The following SH3PXD2A variants were observed in gnomAD, a reference collection of about 807,000 sequenced individuals.
SH3PXD2A encodes the protein SH3 and PX domains 2A, also known as SH3 and PX domain-containing protein 2A.
Under a neutral mutation model 115.2 loss-of-function variants are expected in SH3PXD2A, and 32 were observed. The ratio of observed to expected loss-of-function variants is 0.28; its 90% CI spans 0.21 to 0.37. The LOEUF (loss-of-function observed/expected upper bound fraction) is 0.37, where lower values mean the gene tolerates loss of function less well. Ranked by LOEUF, SH3PXD2A falls within the 10% of genes least tolerant of loss-of-function variation. The probability of loss-of-function intolerance (pLI) is 1.00; values close to 1 mark genes in which losing one functional copy is unlikely to be tolerated. For synonymous variants in SH3PXD2A, 610 were observed against 629.1 expected, an observed-to-expected ratio of 0.97 and a Z score of 0.45; for missense variants, 1,328 against 1,498.7, an observed-to-expected ratio of 0.89 and a Z score of 1.88.
rs145198079 is a variant in SH3PXD2A at position 103,836,839 on chromosome 10, C to T, written c.72+18356G>A. ...ATGTCCAATGCTCTGCCAACTAGCC[C>T]GATTTTACAGAGGGAATTTTACTAC... is the stretch of plus-strand genomic sequence containing the variant. On this transcript the variant is annotated intron_variant, in intron 1 of 14. Coordinates refer to ENST00000369774, the MANE Select transcript of SH3PXD2A (RefSeq NM_001394015.1). Among the ~76,000 whole-genome samples the T allele has an allele frequency of 1.1e-4, 16 of 152,278 alleles. No homozygotes were observed. The East Asian group carries it at 2.5e-3, about 24-fold the overall frequency.
Position 103,605,934 on chromosome 10 carries a change from C to T in SH3PXD2A, c.1309-17G>A, listed in dbSNP as rs750901813. 25 of 1,613,056 alleles carry T rather than the reference C, an allele frequency of 1.5e-5. No homozygotes were observed. The highest frequency in any genetic ancestry group is 2.0e-5 in the Non-Finnish European group (23 of 1,179,328). On this transcript the variant is annotated splice_polypyrimidine_tract_variant and intron_variant, in intron 13 of 14. Coordinates refer to ENST00000369774, the MANE Select transcript of SH3PXD2A (RefSeq NM_001394015.1). Reference sequence around the variant, plus strand: ...TTGGAACCCCTAAGGTTAAGGAACACACAGTGGGCAAAACCCGCCTAAATC... The same window carrying T: ...TTGGAACCCCTAAGGTTAAGGAACATACAGTGGGCAAAACCCGCCTAAATC...
intron 2 of SH3PXD2A, among the ~76,000 whole-genome samples, chr10:103,785,569 T>C (rs2038972796): frequency 1.3e-5 from 2 of 152,036 alleles, no homozygotes; most frequent in Non-Finnish European, 2.9e-5. Flanking sequence ...GACAGAGCAA[T>C]GGCTGGCCAT....
chr10:103,711,165 G>A (rs1326764179), intron 5 of SH3PXD2A, among the ~76,000 whole-genome samples: 1 of 152,188 alleles, frequency 6.6e-6, no homozygotes, highest in African/African-American at 2.4e-5. Flanking sequence ...TCCTTCCCAG[G>A]AGCATCCCAA....
chr10:103,629,384 T>G (rs1196397559), intron 8 of SH3PXD2A, among the ~76,000 whole-genome samples: 1 of 152,198 alleles, frequency 6.6e-6, no homozygotes, highest in Non-Finnish European at 1.5e-5. Flanking sequence ...GGCTCAGTGG[T>G]TATTAGAGCA....
At chr10:103,830,111 C>T (rs2039470030) in intron 1 of SH3PXD2A, among the ~76,000 whole-genome samples, 1 of 152,012 alleles carries the variant, frequency 6.6e-6, no homozygotes, top group African/African-American at 2.4e-5. Flanking sequence ...GAGGGGAAAA[C>T]AAGATAAGAG....
intron 1 of SH3PXD2A, among the ~76,000 whole-genome samples, chr10:103,853,126 C>T (rs577137938): frequency 2.0e-5 from 3 of 152,274 alleles, no homozygotes; most frequent in East Asian, 3.9e-4. Flanking sequence ...ATAATGTCAT[C>T]GATTCTTACT....
At chr10:103,815,439 T>C (rs935870789) in intron 1 of SH3PXD2A, among the ~76,000 whole-genome samples, 1 of 148,246 alleles carries the variant, frequency 6.7e-6, no homozygotes, top group African/African-American at 2.5e-5. Flanking sequence ...CACACACACA[T>C]ATACAGTGTA....
chr10:103,829,240 G>C (rs2039462214), intron 1 of SH3PXD2A, among the ~76,000 whole-genome samples: 1 of 152,148 alleles, frequency 6.6e-6, no homozygotes. Context: ...ACAGGGTGGG[G>C]TGCAAACAAA....
chr10:103,754,667 G>A (rs1207207822), intron 3 of SH3PXD2A: 1 of 152,122 alleles, frequency 6.6e-6, no homozygotes, highest in African/African-American at 2.4e-5. Context: ...GCATCCTCCT[G>A]GTTGGGCTAG....
chr10:103,638,327 G>C (rs188326501), intron 8 of SH3PXD2A, among the ~76,000 whole-genome samples: 1 of 152,326 alleles, frequency 6.6e-6, no homozygotes, highest in African/African-American at 2.4e-5. Context: ...AAGACAGCCT[G>C]GGCTGCTGCC....
chr10:103,624,232 G>C (rs2036655708), intron 9 of SH3PXD2A, among the ~76,000 whole-genome samples: 1 of 152,246 alleles, frequency 6.6e-6, no homozygotes, highest in South Asian at 2.1e-4. Context: ...TCTGGGTGCT[G>C]GGGGATCTGC....
chr10:103,795,958 A>AAGGAAGGAAGGAAGGAAG (rs1564890955), intron 2 of SH3PXD2A, among the ~76,000 whole-genome samples: 5 of 135,206 alleles, frequency 3.7e-5, no homozygotes, highest in African/African-American at 1.4e-4. Context: ...AAGGAAGGAA[A>AAGGAAGGAAGGAAGGAAG]CCAGAGACAT....
chr10:103,615,574 C>T (rs1426122325), intron 11 of SH3PXD2A, among the ~76,000 whole-genome samples: 7 of 145,012 alleles, frequency 4.8e-5, no homozygotes, highest in South Asian at 4.5e-4. Flanking sequence ...TGAGGATCAA[C>T]GTAGAGCCTG....
chr10:103,813,999 TAAA>T (rs781401560), intron 1 of SH3PXD2A, among the ~76,000 whole-genome samples: 2 of 60,334 alleles, frequency 3.3e-5, no homozygotes, highest in African/African-American at 1.1e-4. Flanking sequence ...CTGGACTAGC[TAAA>T]AAAAAAAAAA....
At chr10:103,845,202 G>A (rs1328002410) in intron 1 of SH3PXD2A, among the ~76,000 whole-genome samples, 1 of 151,450 alleles carries the variant, frequency 6.6e-6, no homozygotes, top group East Asian at 1.9e-4. Context: ...ATGGTGGTGT[G>A]CGCCTGTAAT....
intron 3 of SH3PXD2A, among the ~76,000 whole-genome samples, chr10:103,759,656 C>T (rs1481727499): frequency 3.9e-5 from 6 of 152,244 alleles, no homozygotes; most frequent in Admixed American, 1.3e-4. Context: ...ACACACTCTA[C>T]TTCATGTCGT....
At chr10:103,703,873 A>T (rs1333546700) in intron 5 of SH3PXD2A, among the ~76,000 whole-genome samples, 1 of 152,064 alleles carries the variant, frequency 6.6e-6, no homozygotes, top group Non-Finnish European at 1.5e-5. Context: ...ATGTGTGTGT[A>T]TGTGTCTCTC....
chr10:103,843,183 T>A (rs2039616837), intron 1 of SH3PXD2A, among the ~76,000 whole-genome samples: 1 of 152,156 alleles, frequency 6.6e-6, no homozygotes, highest in Non-Finnish European at 1.5e-5. Flanking sequence ...TGAAGAAACT[T>A]GGCCAAGTGA....
chr10:103,701,103 TCTACCATCCAGCCATCCA>T (rs2037891514), intron 5 of SH3PXD2A, among the ~76,000 whole-genome samples: 1 of 13,572 alleles, frequency 7.4e-5, no homozygotes, highest in South Asian at 7.0e-3. Context: ...CATCTATCCA[TCTACCATCCAGCCATCCA>T]TCATCCATCC....
Sources: gnomAD v4.1 joint callset for allele counts (sites outside exome capture counted in the v4.1 genomes callset) on GRCh38, gnomAD v4.1.1 for gene constraint, MANE v1.5 for transcripts, NCBI Gene and HGNC (gene_info 2026-07-23, HGNC 2026-07-21) for gene names.